EXOC4: variants seen among roughly 807,000 people sequenced by gnomAD.
EXOC4 encodes the protein exocyst complex component 4.
A neutral mutation model predicts 107.2 loss-of-function variants in EXOC4; 71 were observed. That is an observed-to-expected ratio of 0.66 (90% CI 0.55 to 0.81). The LOEUF (loss-of-function observed/expected upper bound fraction) is 0.81. Among genes scored for constraint, EXOC4 ranks in the 30% least tolerant of loss-of-function variants. EXOC4 has a pLI of 0.00. For missense variants in EXOC4, 1,108 were observed against 1,189.6 expected (o/e 0.93, Z 1.01); for synonymous variants, 456 against 441.2 (o/e 1.03, Z -0.42).
At chr7:133,619,813 C>T (rs888075364) in intron 9 of EXOC4, among the ~76,000 whole-genome samples, 9 of 152,154 alleles carry the variant, frequency 5.9e-5, no homozygotes, top group African/African-American at 2.2e-4. Context: ...TGGCCCAGTT[C>T]CCCAGTGCTT....
intron 11 of EXOC4, among the ~76,000 whole-genome samples, chr7:133,821,047 A>C (rs890416591): frequency 3.3e-5 from 5 of 152,368 alleles, no homozygotes; most frequent in African/African-American, 1.2e-4. Flanking sequence ...ACACTGTGCA[A>C]GTGTTAGCCC....
intron 16 of EXOC4, 25 bp from the exon 17 acceptor site, chr7:134,007,651 G>T (rs1435307794): frequency 6.3e-7 from 1 of 1,581,222 alleles, no homozygotes. Context: ...CGTTTTCTTT[G>T]CCCCGCACTG....
intron 10 of EXOC4, among the ~76,000 whole-genome samples, chr7:133,689,359 T>C (rs550017859): frequency 2.0e-5 from 3 of 152,270 alleles, no homozygotes; most frequent in African/African-American, 7.2e-5. Context: ...AAAGATAGAA[T>C]TTATTCAAGG....
chr7:133,394,940 A>T (rs912305110), intron 7 of EXOC4, among the ~76,000 whole-genome samples: 1 of 151,734 alleles, frequency 6.6e-6, no homozygotes. Context: ...AAAAGAAACT[A>T]TAAAAATATG....
intron 7 of EXOC4, among the ~76,000 whole-genome samples, chr7:133,390,688 C>G (rs1796832611): frequency 6.6e-6 from 1 of 152,196 alleles, no homozygotes; most frequent in African/African-American, 2.4e-5. Flanking sequence ...TGCTGTTTCT[C>G]TCTTATATCC....
intron 12 of EXOC4, among the ~76,000 whole-genome samples, chr7:133,912,251 C>G (rs1165591804): frequency 6.6e-6 from 1 of 152,166 alleles, no homozygotes; most frequent in Non-Finnish European, 1.5e-5. Context: ...TGTAGGCTGA[C>G]ATAGTCAACA....
intron 9 of EXOC4, among the ~76,000 whole-genome samples, chr7:133,506,875 G>C (rs1799676412): frequency 1.3e-5 from 2 of 151,724 alleles, no homozygotes; most frequent in African/African-American, 4.8e-5. Flanking sequence ...TTATTATCGA[G>C]TCTAAAAATA....
At chr7:133,824,220 C>T (rs1017558805) in intron 11 of EXOC4, among the ~76,000 whole-genome samples, 3 of 151,672 alleles carry the variant, frequency 2.0e-5, no homozygotes, top group Non-Finnish European at 2.9e-5. Flanking sequence ...CTTCCTACCC[C>T]GGGTCACCTG....
At chr7:133,328,756 T>A (rs966767203) in intron 5 of EXOC4, among the ~76,000 whole-genome samples, 9 of 152,328 alleles carry the variant, frequency 5.9e-5, no homozygotes, top group Non-Finnish European at 1.2e-4. Flanking sequence ...GCCCTCACTG[T>A]CTTCTTGCTT....
intron 9 of EXOC4, among the ~76,000 whole-genome samples, chr7:133,582,338 TC>T (rs1801296419): frequency 6.6e-6 from 1 of 152,224 alleles, no homozygotes; most frequent in Non-Finnish European, 1.5e-5. Context: ...TGTGTAGTAT[TC>T]AAAGGTGGAT....
intron 14 of EXOC4, among the ~76,000 whole-genome samples, chr7:133,966,170 A>C (rs1801061057): frequency 6.6e-6 from 1 of 152,136 alleles, no homozygotes; most frequent in South Asian, 2.1e-4. Context: ...TTGCACATTG[A>C]TTTTTGTATC....
At chr7:133,707,427 G>T (rs561683008) in intron 10 of EXOC4, among the ~76,000 whole-genome samples, 3 of 144,638 alleles carry the variant, frequency 2.1e-5, no homozygotes, top group South Asian at 2.2e-4. Context: ...GCCATTGTTG[G>T]TTTTTTTTTT....
intron 11 of EXOC4, among the ~76,000 whole-genome samples, chr7:133,865,793 G>A (rs1346174787): frequency 6.6e-6 from 1 of 152,080 alleles, no homozygotes; most frequent in Non-Finnish European, 1.5e-5. Flanking sequence ...TAACTATCAC[G>A]AGAACATCAA....
At chr7:133,521,556 C>T (rs1264298929) in intron 9 of EXOC4, among the ~76,000 whole-genome samples, 1 of 151,690 alleles carries the variant, frequency 6.6e-6, no homozygotes, top group Non-Finnish European at 1.5e-5. Context: ...ATTACATTCC[C>T]AGAGCAAAAT....
chr7:133,937,793 C>A, intron 13 of EXOC4, 98 bp from the exon 14 acceptor site: 1 of 1,125,290 alleles, frequency 8.9e-7, no homozygotes, highest in Non-Finnish European at 1.3e-6. Context: ...AAATAGTGCT[C>A]ATGTCAGTCC....
intron 9 of EXOC4, among the ~76,000 whole-genome samples, chr7:133,510,068 T>C (rs1180960255): frequency 1.3e-5 from 2 of 152,210 alleles, no homozygotes; most frequent in African/African-American, 4.8e-5. Flanking sequence ...TTACAAACAT[T>C]ACCGTGATTC....
At chr7:133,559,744 C>G (rs910091529) in intron 9 of EXOC4, among the ~76,000 whole-genome samples, 5 of 152,094 alleles carry the variant, frequency 3.3e-5, no homozygotes, top group African/African-American at 1.2e-4. Context: ...TTTCTCATTT[C>G]TTTTTCATAT....
intron 7 of EXOC4, among the ~76,000 whole-genome samples, chr7:133,460,125 G>A (rs1052904809): frequency 3.3e-5 from 5 of 152,178 alleles, no homozygotes; most frequent in African/African-American, 9.7e-5. Flanking sequence ...GCTGGTGATG[G>A]TTTTGGAATG....
At chr7:133,364,202 C>A (rs556353115) in intron 6 of EXOC4, among the ~76,000 whole-genome samples, 3 of 151,924 alleles carry the variant, frequency 2.0e-5, no homozygotes, top group African/African-American at 7.2e-5. Flanking sequence ...CATCATGGCT[C>A]ACTGTAGCCT....
Sources: allele counts gnomAD v4.1 joint callset (sites outside exome capture counted in the v4.1 genomes callset), GRCh38; gene constraint gnomAD v4.1.1; transcripts MANE v1.5; gene names NCBI Gene and HGNC (gene_info 2026-07-23, HGNC 2026-07-21).